EPHA6: variants seen among roughly 807,000 people sequenced by gnomAD.
EPHA6 encodes the protein ephrin type-A receptor 6.
Under a neutral mutation model 112.0 loss-of-function variants are expected in EPHA6, and 50 were observed. The ratio of observed to expected loss-of-function variants is 0.45; its 90% confidence interval spans 0.36 to 0.56. The LOEUF is 0.56. Among genes scored for constraint, EPHA6 ranks in the 20% least tolerant of loss-of-function variants. The pLI, the probability that EPHA6 is intolerant of heterozygous loss-of-function variation, is 0.00. For synonymous variants in EPHA6, 529 were observed against 490.7 expected (o/e 1.08, Z -1.03); for missense variants, 1,280 against 1,417.4 (o/e 0.90, Z 1.56).
intron 5 of EPHA6, among the ~76,000 whole-genome samples, chr3:97,332,048 G>C (rs28889121): frequency 0.043 from 6,535 of 152,176 alleles, 432 homozygotes; most frequent in African/African-American, 0.14. Flanking sequence ...ACACCAAAAA[G>C]CTTATCCACC....
intron 5 of EPHA6, among the ~76,000 whole-genome samples, chr3:97,295,128 C>A (rs917102743): frequency 4.6e-5 from 7 of 152,078 alleles, no homozygotes; most frequent in African/African-American, 1.7e-4. Flanking sequence ...TTTTGCTAGA[C>A]CTCAGAAGTT....
chr3:97,134,860 A>G (rs918457764), intron 3 of EPHA6, among the ~76,000 whole-genome samples: 3 of 152,142 alleles, frequency 2.0e-5, no homozygotes, highest in African/African-American at 4.8e-5. Context: ...CTTGTGAAGA[A>G]GTTTGTCTAG....
At chr3:97,136,973 C>T (rs1000318099) in intron 3 of EPHA6, among the ~76,000 whole-genome samples, 8 of 152,046 alleles carry the variant, frequency 5.3e-5, no homozygotes, top group African/African-American at 1.4e-4. Context: ...AAATCTCAAT[C>T]TCACTCATGA....
intron 3 of EPHA6, among the ~76,000 whole-genome samples, chr3:97,034,084 A>G (rs992079035): frequency 1.3e-5 from 2 of 152,002 alleles, no homozygotes; most frequent in African/African-American, 4.8e-5. Flanking sequence ...TTCTAAGTCT[A>G]CAGTCTAATT....
At chr3:96,937,429 C>T (rs941304486) in intron 2 of EPHA6, among the ~76,000 whole-genome samples, 4 of 148,414 alleles carry the variant, frequency 2.7e-5, no homozygotes, top group African/African-American at 1.0e-4. Context: ...CTGTTCATAT[C>T]CTTCGCCCAC....
chr3:97,164,863 C>G (rs1320943106), intron 3 of EPHA6, among the ~76,000 whole-genome samples: 1 of 152,032 alleles, frequency 6.6e-6, no homozygotes, highest in Non-Finnish European at 1.5e-5. Context: ...CTTATTAACT[C>G]TTTCTGGAAC....
intron 5 of EPHA6, among the ~76,000 whole-genome samples, chr3:97,348,409 G>C (rs996171724): frequency 1.3e-5 from 2 of 151,808 alleles, no homozygotes; most frequent in Non-Finnish European, 2.9e-5. Context: ...ATAAGTATCA[G>C]ATCTATATAG....
At chr3:97,146,390 A>G (rs907408539) in intron 3 of EPHA6, among the ~76,000 whole-genome samples, 2 of 151,830 alleles carry the variant, frequency 1.3e-5, no homozygotes, top group Admixed American at 6.6e-5. Context: ...ATTATTTCCA[A>G]TACTCTCTGT....
At chr3:96,960,457 C>T (rs1369158052) in intron 2 of EPHA6, among the ~76,000 whole-genome samples, 3 of 152,108 alleles carry the variant, frequency 2.0e-5, no homozygotes, top group African/African-American at 4.8e-5. Context: ...TTAAGTGTTG[C>T]CATCTGGCCT....
At chr3:96,944,813 G>A (rs1402703626) in intron 2 of EPHA6, among the ~76,000 whole-genome samples, 1 of 152,290 alleles carries the variant, frequency 6.6e-6, no homozygotes, top group Non-Finnish European at 1.5e-5. Flanking sequence ...GGTGGCGCAT[G>A]TCTGTAGTCC....
At chr3:97,406,403 A>G (rs2087348492) in intron 6 of EPHA6, among the ~76,000 whole-genome samples, 1 of 152,112 alleles carries the variant, frequency 6.6e-6, no homozygotes, top group East Asian at 1.9e-4. Flanking sequence ...AGCAAAAGGA[A>G]GTCAAACTCA....
At chr3:97,442,749 C>T (rs887413816) in intron 6 of EPHA6, among the ~76,000 whole-genome samples, 2 of 152,262 alleles carry the variant, frequency 1.3e-5, no homozygotes, top group Admixed American at 6.5e-5. Flanking sequence ...ATTAAGGACT[C>T]TTTCAGCCAG....
chr3:97,079,454 G>T (rs1179680828), intron 3 of EPHA6, among the ~76,000 whole-genome samples: 3 of 152,170 alleles, frequency 2.0e-5, no homozygotes, highest in Non-Finnish European at 2.9e-5. Flanking sequence ...TCAGAGGGTG[G>T]AAGGTGGGAG....
Position 97,609,588 on chromosome 3 carries a change from T to G in EPHA6, c.2513-1205T>G, listed in dbSNP as rs187089493. The stretch of plus-strand genomic sequence containing the variant: ...TTTTATGCATGATAAATTGGGAGCT[T>G]TATTAATACATTTAACCTTTAGCAC... On this transcript the variant is annotated intron_variant, in intron 12 of 17. Transcript: ENST00000389672. 3.3e-3 allele frequency among the ~76,000 whole-genome samples: 507 copies of G among 151,616 alleles called. 2 individuals are homozygous for G. Among genetic ancestry groups the G allele is most frequent in the African/African-American group, 0.011 (471 of 41,524 alleles).
At chr3:97,648,214 T>G (rs1319413616) in intron 14 of EPHA6, 1 of 670,406 alleles carries the variant, frequency 1.5e-6, no homozygotes, top group East Asian at 2.8e-5. Context: ...CAGAGCCTCA[T>G]TATTGACAAT....
chr3:97,646,448 T>C (rs1197495723), intron 14 of EPHA6: 3 of 685,730 alleles, frequency 4.4e-6, no homozygotes, highest in Non-Finnish European at 6.6e-6. Context: ...AATATTTTCT[T>C]CTTCAACTTG....
At chr3:97,057,563 C>T (rs1197082228) in intron 3 of EPHA6, among the ~76,000 whole-genome samples, 1 of 152,042 alleles carries the variant, frequency 6.6e-6, no homozygotes, top group Non-Finnish European at 1.5e-5. Flanking sequence ...ATCACGTGAC[C>T]AAGGCCATAG....
chr3:97,250,131 C>T lies in EPHA6; in HGVS notation c.1606+5844C>T, dbSNP rs191283994. On this transcript the variant is annotated intron_variant, in intron 5 of 17. Transcript: ENST00000389672. ...TTACAGGCAATGGATATAAAAAGGT[C>T]AAAGCCTTAAATTCAAGCAGGAATA... Among the ~76,000 whole-genome samples, 100 of 152,166 alleles carry T rather than the reference C, an allele frequency of 6.6e-4. 1 individual carries two copies. The highest frequency in any genetic ancestry group is 6.5e-3 in the Admixed American group (100 of 15,286).
intron 3 of EPHA6, among the ~76,000 whole-genome samples, chr3:97,141,717 T>C (rs1444055614): frequency 1.3e-5 from 2 of 151,144 alleles, no homozygotes; most frequent in African/African-American, 4.9e-5. Context: ...AATGCCTACA[T>C]CAAAAAAAAT....
Sources: allele counts gnomAD v4.1 joint callset (sites outside exome capture counted in the v4.1 genomes callset), GRCh38; gene constraint gnomAD v4.1.1; transcripts MANE v1.5; gene names NCBI Gene and HGNC (gene_info 2026-07-23, HGNC 2026-07-21).